Variants in SHTN1 observed in about 807,000 individuals in gnomAD.
SHTN1 encodes shootin-1.
A neutral mutation model predicts 83.1 loss-of-function variants in SHTN1; 42 were observed. The ratio of observed to expected loss-of-function variants is 0.51; its 90% CI spans 0.39 to 0.65. The LOEUF (loss-of-function observed/expected upper bound fraction) is 0.65. SHTN1 is among the 30% of genes least tolerant of loss of function. SHTN1 has a pLI of 0.00. For missense variants in SHTN1, 622 were observed against 737.8 expected (o/e 0.84, Z 1.82); for synonymous variants, 224 against 247.7 (o/e 0.90, Z 0.90).
At chr10:117,053,644 C>T (rs181876860) in intron 1 of SHTN1, among the ~76,000 whole-genome samples, 68 of 152,260 alleles carry the variant, frequency 4.5e-4, no homozygotes, top group Non-Finnish European at 7.6e-4. Context: ...GGAACCCTCA[C>T]GCATTGCTAG....
At chr10:117,114,099 C>T (rs1233291420) in intron 1 of SHTN1, among the ~76,000 whole-genome samples, 5 of 152,108 alleles carry the variant, frequency 3.3e-5, no homozygotes, top group South Asian at 4.1e-4. Flanking sequence ...CCTCCAGCTA[C>T]TCAGGAGGCT....
chr10:116,960,287 G>A (rs1161275043), intron 3 of SHTN1, 57 bp from the exon 4 acceptor site: 1 of 935,032 alleles, frequency 1.1e-6, no homozygotes, highest in African/African-American at 1.6e-5. Context: ...GCTATTCCAG[G>A]AGCCCACGCA....
intron 3 of SHTN1, among the ~76,000 whole-genome samples, chr10:116,966,330 T>C (rs559410308): frequency 6.6e-6 from 1 of 152,186 alleles, no homozygotes; most frequent in East Asian, 1.9e-4. Context: ...TCTCTCCTTT[T>C]GAGACTGAGT....
At chr10:117,070,259 G>A (rs1346883856) in intron 1 of SHTN1, among the ~76,000 whole-genome samples, 1 of 152,102 alleles carries the variant, frequency 6.6e-6, no homozygotes, top group Non-Finnish European at 1.5e-5. Context: ...ATTCTTATGT[G>A]TGTGTGTGTG....
At chr10:117,113,219 A>G (rs1325740683) in intron 1 of SHTN1, among the ~76,000 whole-genome samples, 1 of 152,176 alleles carries the variant, frequency 6.6e-6, no homozygotes, top group African/African-American at 2.4e-5. Context: ...TTGAGCAGGA[A>G]TCTCCTCCAA....
intron 1 of SHTN1, among the ~76,000 whole-genome samples, chr10:117,077,192 T>C (rs779357996): frequency 1.3e-5 from 2 of 152,192 alleles, no homozygotes; most frequent in Non-Finnish European, 2.9e-5. Flanking sequence ...GAAAGTGTGG[T>C]CATATGTCAG....
At chr10:117,118,384 A>C (rs1328456815) in intron 1 of SHTN1, among the ~76,000 whole-genome samples, 2 of 147,928 alleles carry the variant, frequency 1.4e-5, no homozygotes, top group South Asian at 2.2e-4. Context: ...AAAAAAAAAA[A>C]AAAACAGGCA....
chr10:116,961,212 T>C (rs752980310), intron 3 of SHTN1, among the ~76,000 whole-genome samples: 2 of 152,186 alleles, frequency 1.3e-5, no homozygotes, highest in Non-Finnish European at 2.9e-5. Context: ...GAGATTACTT[T>C]TGCTTCATTT....
At chr10:117,065,810 A>G (rs1191296123) in intron 1 of SHTN1, among the ~76,000 whole-genome samples, 27 of 72,644 alleles carry the variant, frequency 3.7e-4, no homozygotes, top group Admixed American at 7.4e-4. Context: ...GGAAGGAAGG[A>G]AGGAAGGAAG....
At chr10:117,002,708 G>A (rs1458170062) in intron 1 of SHTN1, among the ~76,000 whole-genome samples, 1 of 152,120 alleles carries the variant, frequency 6.6e-6, no homozygotes, top group Non-Finnish European at 1.5e-5. Context: ...TGTTTCCACA[G>A]TCTGTGATCC....
chr10:117,092,436 G>C lies in SHTN1; in HGVS notation c.-189+33871C>G, dbSNP rs149428830. On this transcript the variant is annotated intron_variant, in intron 1 of 17. Transcript: ENST00000392901. The stretch of plus-strand genomic sequence containing the variant: ...GACAAATGCGAGAATTGATAAATCT[G>C]TAGGAGTAAATCCCTGTGTGTTTGA... Among the ~76,000 whole-genome samples, 38 of 152,324 alleles carry C rather than the reference G, an allele frequency of 2.5e-4. No homozygotes were observed. The East Asian group carries it at 6.9e-3, about 28-fold the overall frequency.
intron 1 of SHTN1, among the ~76,000 whole-genome samples, chr10:117,108,023 G>T (rs1285841842): frequency 1.3e-5 from 2 of 152,062 alleles, no homozygotes; most frequent in Non-Finnish European, 2.9e-5. Context: ...TTTTTATCTT[G>T]AGCCGCCCAA....
rs1351262170 is a variant in SHTN1 at position 116,914,980 on chromosome 10, G to A, written c.1305+395C>T. Among the ~76,000 whole-genome samples, 5 of 152,128 alleles carry A rather than the reference G, an allele frequency of 3.3e-5. No individual in the cohort carries two copies. In the South Asian group the frequency reaches 1.0e-3, roughly 32 times the overall value. On this transcript the variant is annotated intron_variant, in intron 13 of 16. Coordinates refer to ENST00000355371, the MANE Select transcript of SHTN1 (RefSeq NM_001127211.3). ...ATAATAGAAGCCTCAGCAAGGCGAG[G>A]GTTTTCGCCTATTTTGTTCAGTACT...
intron 15 of SHTN1, 140 bp downstream of exon 15, chr10:116,906,486 AC>A: frequency 1.4e-6 from 1 of 729,866 alleles, no homozygotes; most frequent in Non-Finnish European, 2.1e-6. Context: ...AAATATCTTT[AC>A]CCATCCCATA....
At chr10:116,941,530 T>C (rs1383500268) in intron 8 of SHTN1, among the ~76,000 whole-genome samples, 2 of 152,230 alleles carry the variant, frequency 1.3e-5, no homozygotes, top group African/African-American at 4.8e-5. Flanking sequence ...AAATCTGGCC[T>C]ACCAATTTTA....
upstream of SHTN1, among the ~76,000 whole-genome samples, chr10:117,008,047 C>G (rs1291998523): frequency 2.0e-5 from 3 of 151,930 alleles, no homozygotes; most frequent in Non-Finnish European, 4.4e-5. Flanking sequence ...TTGCAGGCAT[C>G]ACGTTGGAGT....
Position 116,882,904 on chromosome 10 carries a change from TGGAA to T in SHTN1, c.*3436_*3439del, listed in dbSNP as rs1847059566. ...GCAACAAGCAACGGGTAGGAGAAAC[TGGAA>T]GGAAAATTCATTTGAAAGGCAGAAC... On this transcript the variant is annotated 3_prime_UTR_variant, in exon 17 of 17. Coordinates refer to ENST00000355371, the MANE Select transcript of SHTN1 (RefSeq NM_001127211.3). 6.6e-6 allele frequency: 1 copy of T among 151,660 alleles called. No homozygotes were observed. The highest frequency in any genetic ancestry group is 2.4e-5 in the African/African-American group (1 of 41,222). The allele number at this position is 151,660 out of a possible 1,614,324, so 9.4% of individuals were successfully genotyped here. A position where few individuals can be genotyped will look rare whatever the true frequency, so the allele number is the denominator to read the frequency against.
At chr10:116,972,843 C>T (rs1166271126) in intron 2 of SHTN1, among the ~76,000 whole-genome samples, 1 of 152,186 alleles carries the variant, frequency 6.6e-6, no homozygotes, top group Non-Finnish European at 1.5e-5. Flanking sequence ...ACTCTAGAGT[C>T]TCTATTTGGC....
At chr10:116,973,425 C>T (rs898274605) in intron 2 of SHTN1, among the ~76,000 whole-genome samples, 3 of 152,138 alleles carry the variant, frequency 2.0e-5, no homozygotes, top group African/African-American at 7.2e-5. Flanking sequence ...AAGTACATTA[C>T]AGTTGACTGA....
Sources: allele counts gnomAD v4.1 joint callset (sites outside exome capture counted in the v4.1 genomes callset), GRCh38; gene constraint gnomAD v4.1.1; transcripts MANE v1.5; gene names NCBI Gene and HGNC (gene_info 2026-07-23, HGNC 2026-07-21).